ZBTB20: variants seen among roughly 807,000 people sequenced by gnomAD.
ZBTB20 encodes the protein zinc finger and BTB domain-containing protein 20.
Under a neutral mutation model 56.9 loss-of-function variants are expected in ZBTB20, and 9 were observed. The observed-to-expected ratio is 0.16, with a 90% confidence interval of 0.10 to 0.28. The LOEUF (loss-of-function observed/expected upper bound fraction) is 0.28. Ranked by LOEUF, ZBTB20 falls within the 10% of genes least tolerant of loss-of-function variation. ZBTB20 has a pLI of 1.00. For synonymous variants in ZBTB20, 417 were observed against 420.7 expected, an observed-to-expected ratio of 0.99 and a Z score of 0.11; for missense variants, 655 against 1,003.0, an observed-to-expected ratio of 0.65 and a Z score of 4.69.
intron 7 of ZBTB20, among the ~76,000 whole-genome samples, chr3:114,449,927 T>A (rs566634222): frequency 1.2e-4 from 18 of 152,314 alleles, no homozygotes; most frequent in African/African-American, 4.3e-4. Context: ...AATAACTGAT[T>A]GAGTTAATTT....
chr3:114,618,976 T>C lies in ZBTB20; in HGVS notation c.-295+74552A>G, dbSNP rs567569718. 2.6e-5 allele frequency among the ~76,000 whole-genome samples: 4 copies of C among 152,316 alleles called. No individual in the cohort carries two copies. The South Asian group carries it at 6.2e-4, about 24-fold the overall frequency. Reference sequence around the variant, plus strand: ...TGTTTTTCATAAAAAAGATCCCCTTTCTTTAATTTTCACAAGTGGATTAGG... The same window carrying C: ...TGTTTTTCATAAAAAAGATCCCCTTCCTTTAATTTTCACAAGTGGATTAGG... On this transcript the variant is annotated intron_variant, in intron 6 of 11. Transcript: ENST00000675478.
Position 114,532,841 on chromosome 3 carries a change from G to A in ZBTB20, c.-294-32450C>T, listed in dbSNP as rs150521794. 1.4e-3 allele frequency among the ~76,000 whole-genome samples: 207 copies of A among 152,282 alleles called. 1 individual carries two copies. Among genetic ancestry groups the A allele is most frequent in the African/African-American group, 4.8e-3 (198 of 41,558 alleles). ...TGTAGCCTCTGCTGGTGGTACCCAG[G>A]CAAACAGGGTCTGGAGTGGATGTCC... On this transcript the variant is annotated intron_variant, in intron 6 of 11. Transcript: ENST00000675478.
At chr3:114,461,299 C>A (rs1418588329) in intron 7 of ZBTB20, among the ~76,000 whole-genome samples, 1 of 150,846 alleles carries the variant, frequency 6.6e-6, no homozygotes, top group Non-Finnish European at 1.5e-5. Flanking sequence ...AATCTCCTCC[C>A]CCCCCCCTCT....
chr3:115,103,029 T>C (rs1420249427), intron 1 of ZBTB20: 2 of 152,056 alleles, frequency 1.3e-5, no homozygotes, highest in East Asian at 3.9e-4. Flanking sequence ...ACTTTTCCCA[T>C]ATCTGTACAT....
intron 5 of ZBTB20, among the ~76,000 whole-genome samples, chr3:114,800,038 C>T (rs1341181007): frequency 5.3e-5 from 8 of 151,856 alleles, no homozygotes; most frequent in Admixed American, 2.6e-4. Context: ...CTAAAAACCA[C>T]GATACAGTAG....
chr3:114,575,165 G>A (rs2053875067), intron 6 of ZBTB20, among the ~76,000 whole-genome samples: 1 of 152,084 alleles, frequency 6.6e-6, no homozygotes, highest in African/African-American at 2.4e-5. Flanking sequence ...TTTAGATAGA[G>A]AATAATAAAA....
intron 2 of ZBTB20, among the ~76,000 whole-genome samples, chr3:115,071,018 C>T (rs1215007676): frequency 6.6e-6 from 1 of 151,786 alleles, no homozygotes; most frequent in East Asian, 1.9e-4. Context: ...TAATGGTTCT[C>T]TCCTCACAAA....
At chr3:114,985,423 T>C (rs1345441377) in intron 2 of ZBTB20, among the ~76,000 whole-genome samples, 3 of 152,110 alleles carry the variant, frequency 2.0e-5, no homozygotes, top group African/African-American at 7.2e-5. Flanking sequence ...TGGATGAAGC[T>C]TATTTTGAAA....
chr3:114,919,258 A>C (rs761871816), intron 3 of ZBTB20, among the ~76,000 whole-genome samples: 90 of 152,218 alleles, frequency 5.9e-4, no homozygotes, highest in Admixed American at 2.6e-4. Flanking sequence ...TTATCAGTTT[A>C]AATTTGATGG....
intron 4 of ZBTB20, among the ~76,000 whole-genome samples, chr3:114,879,241 A>G (rs2076306599): frequency 1.3e-5 from 2 of 152,298 alleles, no homozygotes; most frequent in Admixed American, 6.5e-5. Flanking sequence ...CACAATCTCA[A>G]CTAGCGATCT....
chr3:114,397,399 T>C (rs1002208836), intron 7 of ZBTB20, among the ~76,000 whole-genome samples: 1 of 152,182 alleles, frequency 6.6e-6, no homozygotes, highest in African/African-American at 2.4e-5. Context: ...CTCTAATATC[T>C]CTGAATTTTC....
At chr3:114,442,455 A>T (rs1029592279) in intron 7 of ZBTB20, among the ~76,000 whole-genome samples, 2 of 152,126 alleles carry the variant, frequency 1.3e-5, no homozygotes, top group African/African-American at 4.8e-5. Context: ...AGGATGATTC[A>T]GCCACCCACC....
chr3:114,848,022 G>A (rs181179668), intron 4 of ZBTB20, among the ~76,000 whole-genome samples: 1 of 152,120 alleles, frequency 6.6e-6, no homozygotes, highest in East Asian at 1.9e-4. Context: ...GGAAGAGAGA[G>A]AATTTGAAGA....
intron 7 of ZBTB20, among the ~76,000 whole-genome samples, chr3:114,474,261 C>T (rs1254765093): frequency 2.0e-5 from 3 of 152,168 alleles, no homozygotes; most frequent in Non-Finnish European, 2.9e-5. Context: ...TGAAGATAGT[C>T]TATGGACACT....
intron 10 of ZBTB20, among the ~76,000 whole-genome samples, chr3:114,368,349 G>C (rs934736568): frequency 1.3e-5 from 2 of 152,174 alleles, no homozygotes; most frequent in East Asian, 3.8e-4. Context: ...CCCAGTCTTA[G>C]TCCATTAGCA....
chr3:114,377,621 G>A (rs550527583), intron 10 of ZBTB20, among the ~76,000 whole-genome samples: 15 of 152,274 alleles, frequency 9.9e-5, no homozygotes, highest in African/African-American at 3.6e-4. Flanking sequence ...TCACCAATAT[G>A]AGTAGTTGCA....
chr3:114,494,671 G>A (rs1463886152), intron 7 of ZBTB20, among the ~76,000 whole-genome samples: 1 of 152,186 alleles, frequency 6.6e-6, no homozygotes, highest in African/African-American at 2.4e-5. Context: ...ACTATCGGGA[G>A]GTGATGACCT....
chr3:114,421,806 G>GT (rs1465907411), intron 7 of ZBTB20, among the ~76,000 whole-genome samples: 2 of 41,594 alleles, frequency 4.8e-5, no homozygotes, highest in African/African-American at 8.4e-5. Flanking sequence ...TAAGACTACA[G>GT]ATTTTTTTTT....
intron 3 of ZBTB20, among the ~76,000 whole-genome samples, chr3:114,907,643 G>T (rs1301837978): frequency 6.6e-6 from 1 of 151,842 alleles, no homozygotes; most frequent in Non-Finnish European, 1.5e-5. Context: ...GTCTTCATGA[G>T]GGCTAGAATC....
Sources: allele counts gnomAD v4.1 joint callset (sites outside exome capture counted in the v4.1 genomes callset), GRCh38; gene constraint gnomAD v4.1.1; transcripts MANE v1.5; gene names NCBI Gene and HGNC (gene_info 2026-07-23, HGNC 2026-07-21).